Variants in OTOG observed in about 807,000 individuals in gnomAD.
OTOG encodes the protein otogelin.
OTOG carries 296 observed loss-of-function variants against 313.8 expected under a neutral mutation model. That is an observed-to-expected ratio of 0.94 (90% CI 0.86 to 1.04). The LOEUF (loss-of-function observed/expected upper bound fraction) is 1.04. Among genes scored for constraint, OTOG ranks in the 50% least tolerant of loss-of-function variants. The probability of loss-of-function intolerance (pLI) is 0.00; values close to 1 mark genes in which losing one functional copy is unlikely to be tolerated. For synonymous variants in OTOG, 1,533 were observed against 1,554.9 expected, an observed-to-expected ratio of 0.99 and a Z score of 0.33; for missense variants, 3,948 against 3,840.1, an observed-to-expected ratio of 1.03 and a Z score of -0.74.
chr11:17,637,990 C>T (rs1039626854), intron 47 of OTOG, among the ~76,000 whole-genome samples: 20 of 152,182 alleles, frequency 1.3e-4, no homozygotes, highest in Admixed American at 3.3e-4. Context: ...TGAGAAAAGT[C>T]AGCCTAAAGA....
intron 19 of OTOG, among the ~76,000 whole-genome samples, chr11:17,573,909 T>C (rs922494658): frequency 9.2e-5 from 14 of 152,226 alleles, no homozygotes; most frequent in African/African-American, 3.1e-4. Flanking sequence ...CCTGATTCTC[T>C]CTGAGCTAGT....
intron 39 of OTOG, among the ~76,000 whole-genome samples, chr11:17,616,742 C>G (rs1484604432): frequency 6.6e-6 from 1 of 152,160 alleles, no homozygotes. Flanking sequence ...CGTTACTAAG[C>G]TCAGTTATTA....
chr11:17,556,507 C>T (rs1225740923), intron 7 of OTOG, among the ~76,000 whole-genome samples: 1 of 152,214 alleles, frequency 6.6e-6, no homozygotes, highest in African/African-American at 2.4e-5. Context: ...TCCCTGTCCT[C>T]ATCTCCTGCT....
In OTOG at chr11:17,578,544, C is replaced by T. The variant is rs747493709; in HGVS notation, c.2759+18C>T. On this transcript the variant is annotated intron_variant, in intron 23 of 55. Coordinates refer to ENST00000399397, the MANE Select transcript of OTOG (RefSeq NM_001292063.2). ...CCCCAGGGGTAAGTACCCATGGTGT[C>T]GTGGGCCCGTGATCCTGAAGGCTGG... The T allele has an allele frequency of 5.2e-5, 79 of 1,506,570 alleles. No individual in the cohort carries two copies. Among genetic ancestry groups the T allele is most frequent in the South Asian group, 2.4e-4 (19 of 79,428 alleles). The allele number at this position is 1,506,570 out of a possible 1,614,324, so 93.3% of individuals were successfully genotyped here. A position where few individuals can be genotyped will look rare whatever the true frequency, so the allele number is the denominator to read the frequency against.
chr11:17,632,023 G>C (rs1459321320), intron 41 of OTOG, 65 bp from the exon 42 acceptor site: 4 of 1,541,232 alleles, frequency 2.6e-6, no homozygotes, highest in South Asian at 2.4e-5. Flanking sequence ...GGCAGGGAGG[G>C]GAGGAGCTGG....
At chr11:17,642,767 A>G (rs997952260) in intron 53 of OTOG, among the ~76,000 whole-genome samples, 2 of 152,220 alleles carry the variant, frequency 1.3e-5, no homozygotes, top group Non-Finnish European at 2.9e-5. Flanking sequence ...GAATTATTAA[A>G]GTCCCTGAGA....
At chr11:17,585,086 G>A (rs978160705) in intron 23 of OTOG, among the ~76,000 whole-genome samples, 1 of 152,144 alleles carries the variant, frequency 6.6e-6, no homozygotes, top group Non-Finnish European at 1.5e-5. Flanking sequence ...TTCAATTTTT[G>A]GAAGAGTTTG....
chr11:17,553,441 C>T lies in OTOG; in HGVS notation c.462C>T (p.Leu154=), dbSNP rs1369408983. The change falls in exon 6 of 56, where the codon CTC becomes CTT. Residue 154 remains leucine, a synonymous_variant. Coordinates refer to ENST00000399397, the MANE Select transcript of OTOG (RefSeq NM_001292063.2). ...ACCACGTGGAGACATTTGATGGGCT[C>T]TACTACTACCTCTCCGGAAAGGGCA... ...GQHHVETFDG[L]YYYLSGKGSY... 1 of 1,471,864 alleles carries T rather than the reference C, an allele frequency of 6.8e-7. No individual in the cohort carries two copies. The highest frequency in any genetic ancestry group is 9.0e-7 in the Non-Finnish European group (1 of 1,109,808). The allele number at this position is 1,471,864 out of a possible 1,614,324, so 91.2% of individuals were successfully genotyped here. A position where few individuals can be genotyped will look rare whatever the true frequency, so the allele number is the denominator to read the frequency against.
intron 14 of OTOG, 91 bp from the exon 15 acceptor site, chr11:17,561,571 G>A: frequency 7.5e-7 from 1 of 1,333,212 alleles, no homozygotes; most frequent in Non-Finnish European, 1.0e-6. Context: ...CTGGAGGGCA[G>A]GGTGCTGTGT....
chr11:17,633,625 TG>T, intron 42 of OTOG, 54 bp from the exon 43 acceptor site: 1 of 1,452,724 alleles, frequency 6.9e-7, no homozygotes, highest in Non-Finnish European at 9.1e-7. Flanking sequence ...CGGCCCTCAG[TG>T]GGGAGCCCTG....
At chr11:17,612,513 C>A in intron 37 of OTOG, 107 bp from the exon 38 acceptor site, 1 of 1,424,056 alleles carries the variant, frequency 7.0e-7, no homozygotes, top group Non-Finnish European at 9.3e-7. Flanking sequence ...AGACCCCAGG[C>A]CTCTGCATCC....
Position 17,574,823 on chromosome 11 carries a change from C to G in OTOG, c.2397C>G (p.Gly799=). The G allele has an allele frequency of 6.5e-7, 1 of 1,550,210 alleles. No homozygotes were observed. The highest frequency in any genetic ancestry group is 8.7e-7 in the Non-Finnish European group (1 of 1,146,786). Residue 799 remains glycine (G), a synonymous_variant, in exon 20 of 56, where the codon GGC becomes GGG. Transcript: ENST00000399397. ...ASPEACGVDG[G]DDLSRDECVE... The stretch of plus-strand genomic sequence containing the variant: ...CTGAGGCCTGTGGGGTTGATGGTGG[C>G]GATGACCTGAGCAGAGACGAGTGTG...
chr11:17,616,660 G>A (rs540464673), intron 39 of OTOG, among the ~76,000 whole-genome samples: 27 of 152,040 alleles, frequency 1.8e-4, no homozygotes, highest in African/African-American at 6.3e-4. Flanking sequence ...TGTTGTTTTT[G>A]TTTCACTTTC....
In OTOG at chr11:17,632,255, A is replaced by C. The variant is rs756230066; in HGVS notation, c.7072+29A>C. The C allele has an allele frequency of 2.6e-6, 4 of 1,539,686 alleles. No individual in the cohort carries two copies. The South Asian group carries it at 4.8e-5, about 18-fold the overall frequency. On this transcript the variant is annotated intron_variant, in intron 42 of 55. Coordinates refer to ENST00000399397, the MANE Select transcript of OTOG (RefSeq NM_001292063.2). ...AGTTTGCGGGGCAGGGGGACCCTCCATTGTGACTATTGTTCCCATCCCCTG... is the reference window on the plus strand; with the variant it reads ...AGTTTGCGGGGCAGGGGGACCCTCCCTTGTGACTATTGTTCCCATCCCCTG...
rs931856983 is a variant in OTOG, at chr11:17,645,779, C to T, written c.8577C>T (p.Ser2859=). The T allele has an allele frequency of 3.6e-5, 56 of 1,550,866 alleles. No individual in the cohort carries two copies. The highest frequency in any genetic ancestry group is 1.7e-4 in the Middle Eastern group (1 of 6,016). ...NLVSCDGRCP[S]ASIYNYNINT... ...TGTCCTGCGATGGGAGGTGCCCATCCGCCAGCATCTACAACTACAACATCA... is the reference window on the plus strand; with the variant it reads ...TGTCCTGCGATGGGAGGTGCCCATCTGCCAGCATCTACAACTACAACATCA... Residue 2859 remains serine, a synonymous_variant, in exon 56 of 56, where the codon TCC becomes TCT. Coordinates refer to ENST00000399397, the MANE Select transcript of OTOG (RefSeq NM_001292063.2).
chr11:17,563,983 A>G (rs1320490121), intron 15 of OTOG, among the ~76,000 whole-genome samples: 1 of 150,222 alleles, frequency 6.7e-6, no homozygotes, highest in Non-Finnish European at 1.5e-5. Context: ...GGTGTGAGCC[A>G]CCACACCTGG....
At chr11:17,587,177 G>A (rs1852814643) in intron 24 of OTOG, among the ~76,000 whole-genome samples, 1 of 152,222 alleles carries the variant, frequency 6.6e-6, no homozygotes, top group Non-Finnish European at 1.5e-5. Flanking sequence ...ACATTCTTGT[G>A]TATGAAAGTA....
At chr11:17,558,843 A>T (rs1006965839) in intron 10 of OTOG, among the ~76,000 whole-genome samples, 199 bp downstream of exon 10, 1 of 152,242 alleles carries the variant, frequency 6.6e-6, no homozygotes, top group Non-Finnish European at 1.5e-5. Flanking sequence ...TTAGGGTCAC[A>T]TAACAAGTTA....
chr11:17,617,952 G>A (rs150405687), intron 39 of OTOG, among the ~76,000 whole-genome samples: 5,576 of 149,240 alleles, frequency 0.037, 118 homozygotes, highest in South Asian at 0.091. Flanking sequence ...TCACTCTGTC[G>A]CCCAGGCTGG....
Sources: allele counts gnomAD v4.1 joint callset (sites outside exome capture counted in the v4.1 genomes callset), GRCh38; gene constraint gnomAD v4.1.1; transcripts MANE v1.5; gene names NCBI Gene and HGNC (gene_info 2026-07-23, HGNC 2026-07-21).